The following ADCY2 variants were observed in gnomAD, a reference collection of about 807,000 sequenced individuals.
ADCY2 encodes the protein adenylate cyclase 2.
A neutral mutation model predicts 125.2 loss-of-function variants in ADCY2; 31 were observed. The ratio of observed to expected loss-of-function variants is 0.25; its 90% CI spans 0.19 to 0.33. ADCY2 has a LOEUF of 0.33. Ranked by LOEUF, ADCY2 falls within the 10% of genes least tolerant of loss-of-function variation. ADCY2 has a pLI of 1.00. For synonymous variants in ADCY2, 512 were observed against 548.4 expected (o/e 0.93, Z 0.93); for missense variants, 904 against 1,418.2 (o/e 0.64, Z 5.82).
chr5:7,432,799 G>C (rs896665092), intron 2 of ADCY2, among the ~76,000 whole-genome samples: 1 of 152,110 alleles, frequency 6.6e-6, no homozygotes, highest in Non-Finnish European at 1.5e-5. Flanking sequence ...ATGGGCACAA[G>C]GACACTTTTG....
At chr5:7,478,049 A>T (rs562984359) in intron 2 of ADCY2, among the ~76,000 whole-genome samples, 12 of 152,296 alleles carry the variant, frequency 7.9e-5, no homozygotes, top group African/African-American at 2.4e-4. Flanking sequence ...TGAATATAAA[A>T]TATTGGTTGA....
At chr5:7,662,107 T>A (rs1334871118) in intron 4 of ADCY2, among the ~76,000 whole-genome samples, 1 of 152,200 alleles carries the variant, frequency 6.6e-6, no homozygotes, top group East Asian at 1.9e-4. Context: ...CCTCCTCACT[T>A]TTGTTAATCA....
intron 2 of ADCY2, among the ~76,000 whole-genome samples, chr5:7,495,671 C>T (rs1014990174): frequency 6.6e-6 from 1 of 152,130 alleles, no homozygotes; most frequent in Admixed American, 6.5e-5. Flanking sequence ...TGCAGTTGGT[C>T]TCATTACAAG....
At chr5:7,570,515 G>A (rs769879525) in intron 3 of ADCY2, among the ~76,000 whole-genome samples, 9 of 151,702 alleles carry the variant, frequency 5.9e-5, no homozygotes, top group Non-Finnish European at 1.3e-4. Flanking sequence ...CTGGACATGG[G>A]TAGGAGTGAC....
intron 2 of ADCY2, among the ~76,000 whole-genome samples, chr5:7,504,233 G>A (rs1561062089): frequency 6.6e-6 from 1 of 152,070 alleles, no homozygotes; most frequent in Non-Finnish European, 1.5e-5. Flanking sequence ...TTTGTGAAAC[G>A]ACAGAGCCAA....
At chr5:7,640,611 C>G (rs1405424379) in intron 4 of ADCY2, among the ~76,000 whole-genome samples, 1 of 152,054 alleles carries the variant, frequency 6.6e-6, no homozygotes, top group Non-Finnish European at 1.5e-5. Context: ...AAAATGGTAA[C>G]TGTTTCTCAT....
At chr5:7,421,311 TCA>T (rs1181224963) in intron 2 of ADCY2, among the ~76,000 whole-genome samples, 1 of 152,194 alleles carries the variant, frequency 6.6e-6, no homozygotes, top group African/African-American at 2.4e-5. Context: ...AAGTCTGAAA[TCA>T]CAGTGTCAGC....
At chr5:7,717,720 G>A (rs1175454547) in intron 12 of ADCY2, among the ~76,000 whole-genome samples, 2 of 152,172 alleles carry the variant, frequency 1.3e-5, no homozygotes, top group Non-Finnish European at 2.9e-5. Context: ...AGCCTCTGAG[G>A]CCAAGAATTG....
At chr5:7,440,617 A>G (rs1417697768) in intron 2 of ADCY2, among the ~76,000 whole-genome samples, 2 of 152,056 alleles carry the variant, frequency 1.3e-5, no homozygotes, top group Admixed American at 6.6e-5. Context: ...AAACACCACC[A>G]TGTTGCTTTA....
chr5:7,663,234 A>G (rs1739596525), intron 4 of ADCY2, among the ~76,000 whole-genome samples: 1 of 152,238 alleles, frequency 6.6e-6, no homozygotes, highest in African/African-American at 2.4e-5. Context: ...GCCACACCAA[A>G]AAAAAGGAAG....
At chr5:7,410,239 T>C (rs906925996) in intron 1 of ADCY2, among the ~76,000 whole-genome samples, 4 of 152,088 alleles carry the variant, frequency 2.6e-5, no homozygotes, top group African/African-American at 7.2e-5. Flanking sequence ...TCAAAGTATT[T>C]CACTAAAATA....
chr5:7,643,971 A>C (rs1445615968), intron 4 of ADCY2, among the ~76,000 whole-genome samples: 1 of 151,880 alleles, frequency 6.6e-6, no homozygotes, highest in Non-Finnish European at 1.5e-5. Flanking sequence ...TTAACAATAT[A>C]ATTATTTTTT....
At chr5:7,631,607 T>C (rs1304395265) in intron 4 of ADCY2, among the ~76,000 whole-genome samples, 1 of 152,204 alleles carries the variant, frequency 6.6e-6, no homozygotes, top group Non-Finnish European at 1.5e-5. Context: ...ACTTTAAGCA[T>C]CCAAAATGGT....
At chr5:7,702,366 T>C (rs903364492) in intron 7 of ADCY2, among the ~76,000 whole-genome samples, 11 of 151,936 alleles carry the variant, frequency 7.2e-5, no homozygotes, top group African/African-American at 2.2e-4. Context: ...CTCCTAATGG[T>C]ATCCCTCCCC....
Position 7,827,457 on chromosome 5 carries a change from G to A in ADCY2, c.*586G>A, listed in dbSNP as rs1745526697. On this transcript the variant is annotated 3_prime_UTR_variant, in exon 25 of 25. Transcript: ENST00000338316. ...GTCCTCACAGCCTAGGACCAGTTTT[G>A]TATCAAACTCGTCTGATGTTTTGAT... is the stretch of plus-strand genomic sequence containing the variant. 1 of 152,646 alleles carries A rather than the reference G, an allele frequency of 6.6e-6. No individual in the cohort carries two copies. The highest frequency in any genetic ancestry group is 2.4e-5 in the African/African-American group (1 of 41,450). 9.5% of individuals were successfully genotyped at this position (152,646 alleles called of 1,614,324 possible).
chr5:7,399,235 T>G (rs1045618604), intron 1 of ADCY2, among the ~76,000 whole-genome samples: 2 of 152,220 alleles, frequency 1.3e-5, no homozygotes, highest in Non-Finnish European at 2.9e-5. Context: ...CATCAGTTCT[T>G]ATAGAAGTTT....
At chr5:7,717,310 C>A in intron 12 of ADCY2, 73 bp downstream of exon 12, 1 of 1,026,042 alleles carries the variant, frequency 9.7e-7, no homozygotes, top group Non-Finnish European at 1.4e-6. Flanking sequence ...ATGGGCTCTG[C>A]AATAGTTACC....
intron 4 of ADCY2, among the ~76,000 whole-genome samples, chr5:7,664,904 T>C (rs1462130155): frequency 3.3e-5 from 5 of 152,206 alleles, no homozygotes; most frequent in Admixed American, 3.3e-4. Context: ...TCCTTTTCAT[T>C]GATCCCAGGT....
intron 3 of ADCY2, among the ~76,000 whole-genome samples, chr5:7,554,015 G>A (rs892584223): frequency 3.3e-5 from 5 of 152,148 alleles, no homozygotes; most frequent in African/African-American, 9.7e-5. Flanking sequence ...AAACATGGAA[G>A]GCTTAGAAGT....
Sources: allele counts gnomAD v4.1 joint callset (sites outside exome capture counted in the v4.1 genomes callset), GRCh38; gene constraint gnomAD v4.1.1; transcripts MANE v1.5; gene names NCBI Gene and HGNC (gene_info 2026-07-23, HGNC 2026-07-21).